The following RGPD8 variants were observed in gnomAD, a reference collection of about 807,000 sequenced individuals.
RGPD8 encodes the protein RANBP2-like and GRIP domain-containing protein 8.
In RGPD8, 15 loss-of-function variants were observed where a neutral mutation model predicts 89.1. The observed-to-expected ratio is 0.17, with a 90% confidence interval of 0.11 to 0.26. RGPD8 has a LOEUF of 0.26. Ranked by LOEUF, RGPD8 falls within the 10% of genes least tolerant of loss-of-function variation. RGPD8 has a pLI of 1.00. For synonymous variants in RGPD8, 62 were observed against 420.9 expected, an observed-to-expected ratio of 0.15 and a Z score of 10.44; for missense variants, 178 against 1,179.6, an observed-to-expected ratio of 0.15 and a Z score of 12.44.
intron 22 of RGPD8, among the ~76,000 whole-genome samples, chr2:112,374,808 C>T (rs1252148487): frequency 7.6e-5 from 11 of 144,832 alleles, no homozygotes; most frequent in Non-Finnish European, 1.4e-4. Flanking sequence ...TTTGTTTCTC[C>T]CATGCTGAAT....
intron 7 of RGPD8, among the ~76,000 whole-genome samples, chr2:112,410,264 G>A (rs566359314): frequency 6.9e-6 from 1 of 144,638 alleles, no homozygotes; most frequent in Non-Finnish European, 1.5e-5. Context: ...CTCCAGCCTG[G>A]GTGACAGAGT....
intron 4 of RGPD8, among the ~76,000 whole-genome samples, chr2:112,419,924 T>C (rs1679515212): frequency 7.6e-6 from 1 of 131,786 alleles, no homozygotes. Flanking sequence ...TTCAATGCTT[T>C]TTCAGCTTCA....
At chr2:112,411,038 G>C (rs1299080362) in intron 7 of RGPD8, among the ~76,000 whole-genome samples, 1 of 151,964 alleles carries the variant, frequency 6.6e-6, no homozygotes, top group Non-Finnish European at 1.5e-5. Flanking sequence ...TGAGCCAGAT[G>C]GCGCCATTGC....
intron 22 of RGPD8, among the ~76,000 whole-genome samples, chr2:112,374,858 C>CTTTTTTTT (rs780008775): frequency 9.7e-6 from 1 of 103,450 alleles, no homozygotes; most frequent in African/African-American, 4.0e-5. Flanking sequence ...AGTTTACATT[C>CTTTTTTTT]TTTTTTTTTT....
chr2:112,430,948 C>A (rs946181617), intron 1 of RGPD8, among the ~76,000 whole-genome samples: 15 of 152,112 alleles, frequency 9.9e-5, no homozygotes, highest in Non-Finnish European at 2.2e-4. Flanking sequence ...CAGAAAGAGA[C>A]CTTGTCTCAA....
At chr2:112,429,216 T>G (rs3106685) in intron 1 of RGPD8, among the ~76,000 whole-genome samples, 2 of 151,470 alleles carry the variant, frequency 1.3e-5, no homozygotes, top group African/African-American at 4.8e-5. Flanking sequence ...GTCAGGAGAT[T>G]GAGACTATCC....
intron 1 of RGPD8, among the ~76,000 whole-genome samples, chr2:112,426,998 T>C (rs1003484733): frequency 6.6e-6 from 1 of 151,978 alleles, no homozygotes; most frequent in East Asian, 1.9e-4. Context: ...GGTTTCACCA[T>C]GTTGGCCAAG....
Position 112,380,969 on chromosome 2 carries a change from A to C in RGPD8, c.4922-6T>G. The C allele has an allele frequency of 1.1e-6, 1 of 936,316 alleles. No individual in the cohort carries two copies. Among genetic ancestry groups the C allele is most frequent in the Non-Finnish European group, 1.6e-6 (1 of 629,576 alleles). 58.0% of individuals were successfully genotyped at this position (936,316 alleles called of 1,614,324 possible). On this transcript the variant is annotated splice_polypyrimidine_tract_variant and splice_region_variant and intron_variant, in intron 20 of 22. Transcript: ENST00000302558. ...AGCATGCCATAATGGAGGCTCTGCA[A>C]GATGTTGTTCCAAGAATTAATTTTC...
chr2:112,415,919 G>A (rs1447413376), intron 6 of RGPD8, among the ~76,000 whole-genome samples: 35 of 151,782 alleles, frequency 2.3e-4, no homozygotes, highest in African/African-American at 8.0e-4. Context: ...CCTGAACCCC[G>A]TCTCTACTAA....
intron 20 of RGPD8, among the ~76,000 whole-genome samples, chr2:112,381,912 T>C (rs1318555944): frequency 3.9e-5 from 6 of 152,304 alleles, no homozygotes; most frequent in Non-Finnish European, 1.5e-5. Flanking sequence ...GTCAACTTGA[T>C]TGGATTAAAG....
At chr2:112,411,236 T>G (rs1416774111) in intron 7 of RGPD8, among the ~76,000 whole-genome samples, 3 of 151,656 alleles carry the variant, frequency 2.0e-5, no homozygotes, top group Admixed American at 6.6e-5. Context: ...CTTATTTCTT[T>G]TCCTTTCGAA....
At chr2:112,428,718 A>C (rs1350607852) in intron 1 of RGPD8, among the ~76,000 whole-genome samples, 1 of 143,194 alleles carries the variant, frequency 7.0e-6, no homozygotes, top group Non-Finnish European at 1.5e-5. Context: ...CAATCAATCA[A>C]TGTTTTAAGC....
intron 1 of RGPD8, among the ~76,000 whole-genome samples, 197 bp from the exon 2 acceptor site, chr2:112,424,504 GAGGTC>G (rs1384573146): frequency 6.6e-6 from 1 of 152,122 alleles, no homozygotes; most frequent in Non-Finnish European, 1.5e-5. Flanking sequence ...CGGATCACCT[GAGGTC>G]AGGAGTTTGA....
At chr2:112,430,410 T>G (rs1048513982) in intron 1 of RGPD8, among the ~76,000 whole-genome samples, 1 of 151,982 alleles carries the variant, frequency 6.6e-6, no homozygotes, top group African/African-American at 2.4e-5. Flanking sequence ...CATATTCCGC[T>G]GAAATCCCCA....
intron 1 of RGPD8, among the ~76,000 whole-genome samples, chr2:112,432,138 G>C (rs1439679674): frequency 6.6e-6 from 1 of 152,170 alleles, no homozygotes; most frequent in African/African-American, 2.4e-5. Context: ...TCAAGCCAAA[G>C]CAAACTGACT....
At chr2:112,379,468 G>A (rs1451116567) in intron 21 of RGPD8, among the ~76,000 whole-genome samples, 2 of 149,704 alleles carry the variant, frequency 1.3e-5, no homozygotes, top group African/African-American at 4.9e-5. Context: ...GGTGGTGCAT[G>A]CCTGCAGTCC....
intron 7 of RGPD8, among the ~76,000 whole-genome samples, chr2:112,411,647 T>C (rs1679213073): frequency 2.2e-5 from 1 of 46,482 alleles, no homozygotes; most frequent in Non-Finnish European, 3.5e-5. Flanking sequence ...ATCCCAGCAC[T>C]TTGGGAGACC....
Position 112,371,817 on chromosome 2 carries a change from G to A in RGPD8, c.5264-1605C>T, listed in dbSNP as rs1325725540. On this transcript the variant is annotated intron_variant, in intron 22 of 22. Coordinates refer to ENST00000302558, the MANE Select transcript of RGPD8 (RefSeq NM_001164463.1). ...CAGACACCTTTCTGTGTTTTCATAC[G>A]TATATATGTATGACAGTTTGACCTT... Among the ~76,000 whole-genome samples the A allele has an allele frequency of 4.9e-5, 7 of 144,246 alleles. 1 individual carries two copies. Among genetic ancestry groups the A allele is most frequent in the East Asian group, 2.1e-4 (1 of 4,826 alleles). The allele number at this position is 144,246 out of a possible 152,430, so 94.6% of individuals were successfully genotyped here.
intron 2 of RGPD8, among the ~76,000 whole-genome samples, chr2:112,423,686 C>T (rs1679634713): frequency 6.9e-6 from 1 of 145,932 alleles, no homozygotes; most frequent in East Asian, 2.0e-4. Flanking sequence ...CCAGCCGGAG[C>T]AAGAGAGACA....
Sources: gnomAD v4.1 joint callset for allele counts (sites outside exome capture counted in the v4.1 genomes callset) on GRCh38, gnomAD v4.1.1 for gene constraint, MANE v1.5 for transcripts, NCBI Gene and HGNC (gene_info 2026-07-23, HGNC 2026-07-21) for gene names.